The following SFMBT1 variants were observed in gnomAD, a reference collection of about 807,000 sequenced individuals.
The protein encoded by SFMBT1 is Scm like with four mbt domains 1.
In SFMBT1, 32 loss-of-function variants were observed where a neutral mutation model predicts 108.7. That is an observed-to-expected ratio of 0.29 (90% CI 0.22 to 0.40). SFMBT1 has a LOEUF of 0.40. SFMBT1 is among the 10% of genes least tolerant of loss of function. The pLI is 1.00. For synonymous variants in SFMBT1, 348 were observed against 369.5 expected (o/e 0.94, Z 0.67); for missense variants, 816 against 1,059.6 (o/e 0.77, Z 3.19).
chr3:52,926,151 C>T, intron 9 of SFMBT1, 38 bp from the exon 10 acceptor site: 6 of 1,576,750 alleles, frequency 3.8e-6, no homozygotes, highest in South Asian at 1.1e-5. Flanking sequence ...CACACTACCA[C>T]ACCACATACG....
At chr3:52,993,133 G>GCAGCTCAAAAAAT (rs1705196699) in intron 1 of SFMBT1, among the ~76,000 whole-genome samples, 1 of 132,072 alleles carries the variant, frequency 7.6e-6, no homozygotes. Flanking sequence ...ATAGCACATA[G>GCAGCTCAAAAAAT]AGCAGGTAAA....
At chr3:53,035,785 GT>G (rs2106966445) in intron 1 of SFMBT1, among the ~76,000 whole-genome samples, 1 of 152,248 alleles carries the variant, frequency 6.6e-6, no homozygotes, top group African/African-American at 2.4e-5. Context: ...AATTGATGGG[GT>G]TTCACTATTT....
chr3:52,948,010 T>C (rs933414654), intron 3 of SFMBT1, among the ~76,000 whole-genome samples: 1 of 152,110 alleles, frequency 6.6e-6, no homozygotes, highest in Admixed American at 6.5e-5. Flanking sequence ...GCTGGGATTA[T>C]AGGCGTGAGA....
intron 1 of SFMBT1, among the ~76,000 whole-genome samples, chr3:53,022,753 G>A (rs577545893): frequency 2.5e-4 from 38 of 152,202 alleles, no homozygotes; most frequent in Non-Finnish European, 4.9e-4. Flanking sequence ...TACCTGGAGC[G>A]GGGTGGAGCG....
rs548272115 is a variant in SFMBT1 at position 52,996,171 on chromosome 3, G to A, written c.-130-26913C>T. ...TTTTGCAAAACATATACCTAATATG[G>A]ATTTATATCAAAAAGCTCTTAAAAA... On this transcript the variant is annotated intron_variant, in intron 1 of 20. Coordinates refer to ENST00000394752, the MANE Select transcript of SFMBT1 (RefSeq NM_016329.4). Among the ~76,000 whole-genome samples, 325 of 144,400 alleles carry A rather than the reference G, an allele frequency of 2.3e-3. 19 individuals carry two copies. The highest frequency in any genetic ancestry group is 5.2e-3 in the Admixed American group (73 of 14,138). The allele number at this position is 144,400 out of a possible 152,430, so 94.7% of individuals were successfully genotyped here.
chr3:53,012,087 T>C (rs1698962988), intron 1 of SFMBT1, among the ~76,000 whole-genome samples: 1 of 152,100 alleles, frequency 6.6e-6, no homozygotes, highest in Non-Finnish European at 1.5e-5. Flanking sequence ...AATTGAGAGG[T>C]AGGAAACCTA....
chr3:53,017,734 CA>C (rs1312388436), intron 1 of SFMBT1, among the ~76,000 whole-genome samples: 2 of 152,016 alleles, frequency 1.3e-5, no homozygotes, highest in African/African-American at 4.8e-5. Flanking sequence ...CTTCACTCTT[CA>C]AAAAAAGCAA....
chr3:52,910,341 A>C (rs1702186102), intron 17 of SFMBT1, among the ~76,000 whole-genome samples: 1 of 152,196 alleles, frequency 6.6e-6, no homozygotes, highest in African/African-American at 2.4e-5. Flanking sequence ...GATTGTATGA[A>C]TGAATTACAT....
intron 1 of SFMBT1, among the ~76,000 whole-genome samples, chr3:52,980,361 T>C (rs2106876887): frequency 6.6e-6 from 1 of 152,284 alleles, no homozygotes; most frequent in African/African-American, 2.4e-5. Flanking sequence ...ACTAATCATC[T>C]CCACGTGGGC....
At chr3:52,946,754 G>A (rs894348779) in intron 3 of SFMBT1, among the ~76,000 whole-genome samples, 2 of 150,064 alleles carry the variant, frequency 1.3e-5, no homozygotes, top group Non-Finnish European at 2.9e-5. Context: ...AATAGCATAT[G>A]AGAAATCCTT....
chr3:52,927,981 C>T (rs1394951978), intron 9 of SFMBT1, among the ~76,000 whole-genome samples: 1 of 152,206 alleles, frequency 6.6e-6, no homozygotes, highest in African/African-American at 2.4e-5. Context: ...AACGCACTCT[C>T]TTTAACAGTT....
chr3:52,960,108 T>C (rs1233580997), intron 2 of SFMBT1, among the ~76,000 whole-genome samples: 1 of 151,858 alleles, frequency 6.6e-6, no homozygotes. Context: ...AAATGAATGC[T>C]AGCGTTGACA....
chr3:52,994,132 G>C lies in SFMBT1; in HGVS notation c.-130-24874C>G, dbSNP rs1368025079. On this transcript the variant is annotated intron_variant, in intron 1 of 20. Coordinates refer to ENST00000394752, the MANE Select transcript of SFMBT1 (RefSeq NM_016329.4). The stretch of plus-strand genomic sequence containing the variant: ...ACCTGTTAATAAGTTCAAACTGTTT[G>C]CCAATTCAACTGGGAAATAATGCAT... Among the ~76,000 whole-genome samples, 3 of 150,382 alleles carry C rather than the reference G, an allele frequency of 2.0e-5. 1 individual carries two copies. The highest frequency in any genetic ancestry group is 4.5e-5 in the Non-Finnish European group (3 of 67,130).
intron 17 of SFMBT1, among the ~76,000 whole-genome samples, chr3:52,909,486 T>C (rs948210402): frequency 6.6e-6 from 1 of 152,196 alleles, no homozygotes. Flanking sequence ...AAGCTCGTCA[T>C]ACTAAGTATG....
At chr3:52,917,997 T>TA (rs1166350494) in intron 13 of SFMBT1, among the ~76,000 whole-genome samples, 2 of 152,220 alleles carry the variant, frequency 1.3e-5, no homozygotes, top group Non-Finnish European at 2.9e-5. Context: ...TTTGTACTTT[T>TA]AAGGTTTGAA....
chr3:52,910,668 T>C (rs1702193015), intron 17 of SFMBT1, among the ~76,000 whole-genome samples: 3 of 152,102 alleles, frequency 2.0e-5, no homozygotes, highest in Admixed American at 1.3e-4. Flanking sequence ...TTTCTATTTT[T>C]AGTAGAGACG....
chr3:52,962,860 T>C (rs537624413), intron 2 of SFMBT1, among the ~76,000 whole-genome samples: 344 of 148,158 alleles, frequency 2.3e-3, no homozygotes, highest in Middle Eastern at 3.7e-3. Flanking sequence ...TATATGTATA[T>C]ACACTCACAT....
intron 1 of SFMBT1, among the ~76,000 whole-genome samples, chr3:53,032,482 T>C (rs1002441186): frequency 2.0e-5 from 3 of 152,182 alleles, no homozygotes; most frequent in Admixed American, 6.5e-5. Context: ...CAAAGTATTG[T>C]AGGCCACACA....
At chr3:52,984,679 T>G (rs1022581823) in intron 1 of SFMBT1, among the ~76,000 whole-genome samples, 1 of 141,228 alleles carries the variant, frequency 7.1e-6, no homozygotes, top group Admixed American at 7.4e-5. Context: ...ATATTGAATA[T>G]AGGTAATATA....
Sources: gnomAD v4.1 joint callset for allele counts (sites outside exome capture counted in the v4.1 genomes callset) on GRCh38, gnomAD v4.1.1 for gene constraint, MANE v1.5 for transcripts, NCBI Gene and HGNC (gene_info 2026-07-23, HGNC 2026-07-21) for gene names.